The following CAST variants were observed in gnomAD, a reference collection of about 807,000 sequenced individuals.
CAST encodes MIR583 host.
In CAST, 76 loss-of-function variants were observed where a neutral mutation model predicts 119.6. The ratio of observed to expected loss-of-function variants is 0.64; its 90% CI spans 0.53 to 0.77. The LOEUF is 0.77. Among genes scored for constraint, CAST ranks in the 30% least tolerant of loss-of-function variants. CAST has a pLI of 0.00. For missense variants in CAST, 953 were observed against 946.5 expected (o/e 1.01, Z -0.09); for synonymous variants, 319 against 331.6 (o/e 0.96, Z 0.41).
chr5:96,596,793 C>A (rs887793578), intron 1 of CAST, among the ~76,000 whole-genome samples: 5 of 152,162 alleles, frequency 3.3e-5, no homozygotes, highest in Admixed American at 6.5e-5. Context: ...TTCTCACAGT[C>A]TGGAGGCTGG....
chr5:96,739,686 T>C (rs1237146522), intron 11 of CAST, among the ~76,000 whole-genome samples: 2 of 152,254 alleles, frequency 1.3e-5, no homozygotes, highest in Non-Finnish European at 2.9e-5. Flanking sequence ...ATGACAAAGC[T>C]GATAGAGTTG....
At chr5:96,245,621 G>GA in the CAST span, among the ~76,000 whole-genome samples, 893 of 127,432 alleles carry the variant, frequency 7.0e-3, 7 homozygotes, top group Admixed American at 0.015. Context: ...CTGTGTAATG[G>GA]AAAAAAAAAA....
chr5:96,577,544 A>G (rs923510699), intron 1 of CAST, among the ~76,000 whole-genome samples: 8 of 152,156 alleles, frequency 5.3e-5, no homozygotes, highest in Admixed American at 3.9e-4. Context: ...TCTCAGCACT[A>G]CTTCAGATAG....
At chr5:96,482,894 A>G in the CAST span, among the ~76,000 whole-genome samples, 1 of 152,166 alleles carries the variant, frequency 6.6e-6, no homozygotes, top group Non-Finnish European at 1.5e-5. Context: ...AAAGGTCCAA[A>G]TTTGAGGTCA....
chr5:96,103,068 A>G, the CAST span, among the ~76,000 whole-genome samples: 1 of 152,168 alleles, frequency 6.6e-6, no homozygotes, highest in African/African-American at 2.4e-5. Flanking sequence ...TGTCATAGAA[A>G]TTCTGTCAAA....
intron 1 of CAST, among the ~76,000 whole-genome samples, chr5:96,673,876 A>G (rs1750402682): frequency 1.3e-5 from 2 of 152,212 alleles, no homozygotes; most frequent in South Asian, 2.1e-4. Flanking sequence ...TGTATAGGTA[A>G]AAGAAGACCT....
chr5:95,968,560 C>T, the CAST span, among the ~76,000 whole-genome samples: 5 of 152,152 alleles, frequency 3.3e-5, no homozygotes, highest in South Asian at 4.2e-4. Context: ...TCACTCTTCC[C>T]GCGGGACTGT....
chr5:96,672,005 C>T lies in CAST; in HGVS notation c.76-3534C>T, dbSNP rs569986377. On this transcript the variant is annotated intron_variant, in intron 1 of 31. Coordinates refer to ENST00000675179, the MANE Select transcript of CAST (RefSeq NM_001750.7). ...TATTGAATAATTTTCAATAAATGAT[C>T]AGGGCAATGGTTAATTGATAAAGTT... is the stretch of plus-strand genomic sequence containing the variant. Among the ~76,000 whole-genome samples, 50 of 152,242 alleles carry T rather than the reference C, an allele frequency of 3.3e-4. 1 individual carries two copies. In the South Asian group the frequency reaches 9.7e-3, roughly 30 times the overall value.
chr5:96,525,905 T>G (rs1381380252), upstream of CAST, among the ~76,000 whole-genome samples: 1 of 152,222 alleles, frequency 6.6e-6, no homozygotes, highest in South Asian at 2.1e-4. Context: ...GTTTTTATTG[T>G]CTAGTGATAG....
intron 3 of CAST, among the ~76,000 whole-genome samples, chr5:96,697,226 A>G (rs939047164): frequency 2.0e-5 from 3 of 152,210 alleles, no homozygotes; most frequent in Non-Finnish European, 4.4e-5. Flanking sequence ...GTCTTTTAGT[A>G]TGTCCAAGAT....
At chr5:96,661,981 G>C (rs967596404), upstream of CAST, 3 of 162,510 alleles carry the variant, frequency 1.8e-5, no homozygotes, top group Non-Finnish European at 2.7e-5. Flanking sequence ...TGTAGAAAGA[G>C]TATCTACTTC....
At chr5:96,029,450 G>A in the CAST span, among the ~76,000 whole-genome samples, 1 of 151,930 alleles carries the variant, frequency 6.6e-6, no homozygotes, top group African/African-American at 2.4e-5. Context: ...TATAACAAAA[G>A]TGACAATCTG....
At chr5:96,155,843 T>C in the CAST span, among the ~76,000 whole-genome samples, 1 of 152,092 alleles carries the variant, frequency 6.6e-6, no homozygotes, top group Non-Finnish European at 1.5e-5. Flanking sequence ...TTCTACCCAG[T>C]GGTAATAGTC....
intron 1 of CAST, among the ~76,000 whole-genome samples, chr5:96,541,334 TA>T (rs34079380): frequency 0.63 from 95,164 of 151,000 alleles, 30,124 homozygotes; most frequent in East Asian, 0.86. Context: ...GTCATTTTTT[TA>T]AAAAAAAAAA....
At position 96,766,102 on chromosome 5, in the gene CAST, C is replaced by A. The variant is rs1001758843; in HGVS notation, c.2087C>A (p.Thr696Asn). 6.8e-6 allele frequency: 11 copies of A among 1,611,616 alleles called. No homozygotes were observed. The highest frequency in any genetic ancestry group is 9.3e-6 in the Non-Finnish European group (11 of 1,178,132). The change falls in exon 27 of 32, where the codon ACT becomes AAT. Residue 696 changes from threonine (T) to asparagine (N), a missense_variant. Physicochemically the swap from Thr to Asn is moderately conservative, Grantham distance 65. Coordinates refer to ENST00000675179, the MANE Select transcript of CAST (RefSeq NM_001750.7). Reference protein sequence around the residue: ...HRDKLGERDDTIPPEYRHLLD... With the variant: ...HRDKLGERDDNIPPEYRHLLD... Reference sequence around the variant, plus strand: ...GACAAGCTTGGAGAAAGAGATGACACTATCCCACCTGAATACAGACATCTC... The same window carrying A: ...GACAAGCTTGGAGAAAGAGATGACAATATCCCACCTGAATACAGACATCTC...
the CAST span, among the ~76,000 whole-genome samples, chr5:96,032,174 T>A: frequency 1.2e-4 from 19 of 152,090 alleles, no homozygotes; most frequent in Non-Finnish European, 2.6e-4. Flanking sequence ...AGAGCATGAA[T>A]AACAGGAGGC....
chr5:96,661,602 T>A (rs1474921563), upstream of CAST, among the ~76,000 whole-genome samples: 1 of 152,136 alleles, frequency 6.6e-6, no homozygotes, highest in East Asian at 1.9e-4. Context: ...GTTTCTCACA[T>A]AAGCACGTAG....
At chr5:96,021,689 T>A in the CAST span, among the ~76,000 whole-genome samples, 5 of 152,042 alleles carry the variant, frequency 3.3e-5, no homozygotes, top group Admixed American at 6.6e-5. Flanking sequence ...TTTGTAATCC[T>A]CCCTCCTTGG....
chr5:96,687,517 A>C (rs1752219808), intron 2 of CAST, among the ~76,000 whole-genome samples: 1 of 152,232 alleles, frequency 6.6e-6, no homozygotes, highest in Non-Finnish European at 1.5e-5. Context: ...CTAACAAGTG[A>C]ATTCTAAAAA....
Sources: allele counts gnomAD v4.1 joint callset (sites outside exome capture counted in the v4.1 genomes callset), GRCh38; gene constraint gnomAD v4.1.1; transcripts MANE v1.5; gene names NCBI Gene and HGNC (gene_info 2026-07-23, HGNC 2026-07-21).